GPHN: variants seen among roughly 807,000 people sequenced by gnomAD.
GPHN encodes gephyrin.
Under a neutral mutation model 95.5 loss-of-function variants are expected in GPHN, and 17 were observed. That is an observed-to-expected ratio of 0.18 (90% CI 0.12 to 0.27). The LOEUF is 0.27. GPHN is among the 10% of genes least tolerant of loss of function. The pLI is 1.00. For missense variants in GPHN, 660 were observed against 978.1 expected (o/e 0.67, Z 4.34); for synonymous variants, 320 against 322.5 (o/e 0.99, Z 0.08).
At chr14:66,793,066 CG>C (rs1236914279) in intron 3 of GPHN, among the ~76,000 whole-genome samples, 1 of 151,914 alleles carries the variant, frequency 6.6e-6, no homozygotes, top group Non-Finnish European at 1.5e-5. Flanking sequence ...CCCTCATTCC[CG>C]TAAACCCACA....
At chr14:67,692,609 T>G in the GPHN span, 1 of 1,540,704 alleles carries the variant, frequency 6.5e-7, no homozygotes, top group South Asian at 1.3e-5. Context: ...AGCCAACATA[T>G]GAAAGAGAAA....
chr14:66,924,319 G>A (rs2066368151), intron 8 of GPHN, 27 bp downstream of exon 8: 1 of 1,251,186 alleles, frequency 8.0e-7, no homozygotes, highest in Non-Finnish European at 1.2e-6. Context: ...TTGCATTAAT[G>A]GTTTTCCAAA....
chr14:67,273,323 C>G, the GPHN span, among the ~76,000 whole-genome samples: 1 of 148,356 alleles, frequency 6.7e-6, no homozygotes, highest in Non-Finnish European at 1.5e-5. Context: ...CACCCTGTGT[C>G]CAAGTGTTCT....
At chr14:67,286,163 C>G in the GPHN span, among the ~76,000 whole-genome samples, 3 of 152,210 alleles carry the variant, frequency 2.0e-5, no homozygotes, top group African/African-American at 7.2e-5. Flanking sequence ...ATGCCTGCCT[C>G]TACCTTCTCC....
At chr14:67,727,590 C>T in the GPHN span, 1,153 of 268,036 alleles carry the variant, frequency 4.3e-3, 57 homozygotes, top group East Asian at 0.1. Flanking sequence ...TCAAGTGATT[C>T]TCCTGCATCA....
the GPHN span, among the ~76,000 whole-genome samples, chr14:67,355,706 A>C: frequency 6.6e-6 from 1 of 152,028 alleles, no homozygotes; most frequent in Non-Finnish European, 1.5e-5. Flanking sequence ...CTTAGGAAGA[A>C]TGCTCTAAAT....
At chr14:67,264,243 G>C in the GPHN span, among the ~76,000 whole-genome samples, 23,552 of 152,032 alleles carry the variant, frequency 0.15, 3,440 homozygotes, top group East Asian at 0.42. Flanking sequence ...GGATGACAGT[G>C]GTATTTAAAT....
chr14:66,946,230 T>C (rs751914207), intron 8 of GPHN, among the ~76,000 whole-genome samples: 22 of 152,152 alleles, frequency 1.4e-4, no homozygotes, highest in Non-Finnish European at 2.8e-4. Flanking sequence ...TGGGGTTTTT[T>C]CCTTAAATAC....
the GPHN span, among the ~76,000 whole-genome samples, chr14:67,442,914 C>T: frequency 1.3e-5 from 2 of 152,152 alleles, no homozygotes; most frequent in Non-Finnish European, 2.9e-5. Context: ...ATAAAGCCAA[C>T]GACGTTATAT....
chr14:67,004,279 G>C (rs1459420025), intron 9 of GPHN, among the ~76,000 whole-genome samples: 1 of 151,734 alleles, frequency 6.6e-6, no homozygotes, highest in Non-Finnish European at 1.5e-5. Flanking sequence ...TGTAAAACTT[G>C]AAATTGATCT....
the GPHN span, among the ~76,000 whole-genome samples, chr14:67,340,971 C>G: frequency 2.6e-5 from 4 of 152,268 alleles, no homozygotes; most frequent in African/African-American, 9.6e-5. Context: ...CTCGTTCACT[C>G]AGTGCTCAAT....
At chr14:67,116,030 G>A (rs1401363152) in intron 16 of GPHN, among the ~76,000 whole-genome samples, 1 of 152,116 alleles carries the variant, frequency 6.6e-6, no homozygotes, top group East Asian at 1.9e-4. Flanking sequence ...TGCAACCTGT[G>A]GTGATTCATG....
At chr14:67,608,393 C>G in the GPHN span, among the ~76,000 whole-genome samples, 2 of 152,044 alleles carry the variant, frequency 1.3e-5, no homozygotes, top group African/African-American at 4.8e-5. Context: ...TTAAGGTATA[C>G]AGGAGGATTG....
At chr14:66,943,061 A>C (rs2153574066) in intron 8 of GPHN, among the ~76,000 whole-genome samples, 1 of 152,330 alleles carries the variant, frequency 6.6e-6, no homozygotes, top group South Asian at 2.1e-4. Flanking sequence ...GTTCACTGAA[A>C]AACCATATAA....
At chr14:67,713,090 AC>A in the GPHN span, among the ~76,000 whole-genome samples, 1 of 152,124 alleles carries the variant, frequency 6.6e-6, no homozygotes, top group African/African-American at 2.4e-5. Context: ...AAACAATGGC[AC>A]AACTTATATG....
Position 67,114,962 on chromosome 14 carries a change from C to T in GPHN, c.1626+1791C>T, listed in dbSNP as rs578098942. On this transcript the variant is annotated intron_variant, in intron 16 of 22. Coordinates refer to ENST00000478722, the MANE Select transcript of GPHN (RefSeq NM_020806.5). ...TAGGGAAGAGTTTGTAGTCTTAGTT[C>T]CCTGCCCCCACAGAGCTTATTACTC... Among the ~76,000 whole-genome samples, 202 of 152,210 alleles carry T rather than the reference C, an allele frequency of 1.3e-3. 1 individual carries two copies. Among genetic ancestry groups the T allele is most frequent in the African/African-American group, 4.5e-3 (186 of 41,526 alleles).
chr14:67,647,964 G>C, the GPHN span: 1 of 1,351,380 alleles, frequency 7.4e-7, no homozygotes, highest in South Asian at 1.3e-5. Flanking sequence ...AAATCAAGGA[G>C]TTGCAACCAT....
At chr14:66,686,713 T>C (rs1253530719) in intron 2 of GPHN, among the ~76,000 whole-genome samples, 1 of 152,212 alleles carries the variant, frequency 6.6e-6, no homozygotes, top group East Asian at 1.9e-4. Flanking sequence ...CAATTTGAGT[T>C]CTTCTTTTCC....
At chr14:66,533,328 T>C (rs1487995551) in intron 1 of GPHN, among the ~76,000 whole-genome samples, 1 of 152,226 alleles carries the variant, frequency 6.6e-6, no homozygotes, top group East Asian at 1.9e-4. Context: ...TAGAATAGTA[T>C]GTAAAGATGA....
Sources: allele counts gnomAD v4.1 joint callset (sites outside exome capture counted in the v4.1 genomes callset), GRCh38; gene constraint gnomAD v4.1.1; transcripts MANE v1.5; gene names NCBI Gene and HGNC (gene_info 2026-07-23, HGNC 2026-07-21).